Variants in DHRS7 observed in about 807,000 individuals in gnomAD.
DHRS7 encodes the protein dehydrogenase/reductase 7.
DHRS7 carries 34 observed loss-of-function variants against 38.9 expected under a neutral mutation model. That is an observed-to-expected ratio of 0.87 (90% CI 0.66 to 1.16). The LOEUF (loss-of-function observed/expected upper bound fraction) is 1.16. Among genes scored for constraint, DHRS7 ranks in the 50% most tolerant of loss-of-function variants. DHRS7 has a pLI of 0.00. For synonymous variants in DHRS7, 158 were observed against 153.1 expected, an observed-to-expected ratio of 1.03 and a Z score of -0.24; for missense variants, 421 against 407.0, an observed-to-expected ratio of 1.03 and a Z score of -0.30.
At chr14:60,163,843 A>G (rs1896810956) in intron 1 of DHRS7, among the ~76,000 whole-genome samples, 1 of 152,240 alleles carries the variant, frequency 6.6e-6, no homozygotes, top group Non-Finnish European at 1.5e-5. Flanking sequence ...AAAGCACTAA[A>G]GATCAAACAC....
chr14:60,168,684 C>G, upstream of DHRS7: 2 of 1,548,238 alleles, frequency 1.3e-6, no homozygotes, highest in Non-Finnish European at 1.7e-6. Flanking sequence ...TTTTTCTCCC[C>G]TCTCCAGCCA....
rs1896365130 is a variant in DHRS7 at position 60,145,082 on chromosome 14, C to T, written c.973-69G>A. 2 of 1,137,046 alleles carry T rather than the reference C, an allele frequency of 1.8e-6. No individual in the cohort carries two copies. Among genetic ancestry groups the T allele is most frequent in the Non-Finnish European group, 2.4e-6 (2 of 825,554 alleles). The allele number at this position is 1,137,046 out of a possible 1,614,324, so 70.4% of individuals were successfully genotyped here. A position where few individuals can be genotyped will look rare whatever the true frequency, so the allele number is the denominator to read the frequency against. On this transcript the variant is annotated intron_variant, in intron 6 of 6. Coordinates refer to ENST00000557185, the MANE Select transcript of DHRS7 (RefSeq NM_016029.4). The surrounding 1 kb of genome is among the most constrained non-coding windows in gnomAD (Gnocchi z 4.0). The stretch of plus-strand genomic sequence containing the variant: ...TTACTCCAGTTTTTAACATTTAAGT[C>T]CTTCTGTTTTGAGGAGCTGTATCAT...
upstream of DHRS7, chr14:60,165,737 T>A: frequency 1.0e-6 from 1 of 959,782 alleles, no homozygotes; most frequent in Non-Finnish European, 1.2e-6. The surrounding 1 kb of genome is among the most constrained non-coding windows in gnomAD (Gnocchi z 4.6). Flanking sequence ...ATAGAATCAT[T>A]CTTGCTTGGC....
intron 4 of DHRS7, chr14:60,152,722 A>G: frequency 1.7e-6 from 1 of 580,416 alleles, no homozygotes; most frequent in Non-Finnish European, 3.1e-6. Context: ...GGCACAATGC[A>G]GTGCTTGATA....
chr14:60,165,030 C>G lies in DHRS7; in HGVS notation c.133+147G>C. The G allele has an allele frequency of 9.8e-7, 1 of 1,024,436 alleles. No individual in the cohort carries two copies. The highest frequency in any genetic ancestry group is 2.6e-5 in the East Asian group (1 of 38,172). The allele number at this position is 1,024,436 out of a possible 1,614,324, so 63.5% of individuals were successfully genotyped here. A position where few individuals can be genotyped will look rare whatever the true frequency, so the allele number is the denominator to read the frequency against. On this transcript the variant is annotated intron_variant, in intron 1 of 6. Coordinates refer to ENST00000557185, the MANE Select transcript of DHRS7 (RefSeq NM_016029.4). The surrounding 1 kb of genome is among the most constrained non-coding windows in gnomAD (Gnocchi z 4.6). ...GCCTCTTCCTCCCCAACCCGCAGCCCCTGCGTAAGGGGCAGCCGGGCCTTC... is the reference window on the plus strand; with the variant it reads ...GCCTCTTCCTCCCCAACCCGCAGCCGCTGCGTAAGGGGCAGCCGGGCCTTC...
chr14:60,154,805 T>TC (rs1896623785), intron 2 of DHRS7, among the ~76,000 whole-genome samples: 1 of 152,206 alleles, frequency 6.6e-6, no homozygotes, highest in Non-Finnish European at 1.5e-5. Context: ...AACAGCCTTG[T>TC]GCCAGGTAAG....
chr14:60,144,972 A>G lies in DHRS7; in HGVS notation c.1014T>C (p.His338=), dbSNP rs780947502. The change falls in exon 7 of 7, where the codon CAT becomes CAC. Residue 338 remains histidine (H), a synonymous_variant. Transcript: ENST00000557185. ...SSYFKIFKTK[H]D The stretch of plus-strand genomic sequence containing the variant: ...AAAAGTACAGGTGCTCTTTTCAGTC[A>G]TGTTTTGTCTTAAAGATTTTAAAAT... 6.2e-7 allele frequency: 1 copy of G among 1,605,334 alleles called. No individual in the cohort carries two copies. The highest frequency in any genetic ancestry group is 8.5e-7 in the Non-Finnish European group (1 of 1,177,314).
At chr14:60,164,719 T>A (rs969958148) in intron 1 of DHRS7, among the ~76,000 whole-genome samples, 2 of 152,154 alleles carry the variant, frequency 1.3e-5, no homozygotes, top group African/African-American at 4.8e-5. Context: ...GAGTGGGAAG[T>A]GGAGGACAGA....
At chr14:60,168,556 T>A, upstream of DHRS7, 2 of 1,094,058 alleles carry the variant, frequency 1.8e-6, no homozygotes, top group Non-Finnish European at 2.5e-6. Flanking sequence ...TGCAACTTCC[T>A]GTGAATCTAT....
chr14:60,165,332 G>T lies in DHRS7; in HGVS notation c.-23C>A. 6.4e-7 allele frequency: 1 copy of T among 1,561,892 alleles called. No homozygotes were observed. The highest frequency in any genetic ancestry group is 8.6e-7 in the Non-Finnish European group (1 of 1,158,120). ...CATTGCGGCCGCGCACGCCCAGCTC[G>T]GGGGGAAGAAGACGGCCCGCACCAG... On this transcript the variant is annotated 5_prime_UTR_variant, in exon 1 of 7. Transcript: ENST00000557185. This position sits in a 1 kb window ranked among gnomAD's most constrained non-coding sequence, Gnocchi z 4.6.
upstream of DHRS7, chr14:60,166,270 A>G (rs1896866002): frequency 9.1e-6 from 9 of 985,464 alleles, no homozygotes; most frequent in Middle Eastern, 1.0e-3. Context: ...AGGGTTTTCC[A>G]TTCACAAGCC....
intron 5 of DHRS7, 140 bp from the exon 6 acceptor site, chr14:60,149,708 G>T: frequency 1.5e-6 from 1 of 648,112 alleles, no homozygotes; most frequent in Admixed American, 3.1e-5. Flanking sequence ...AGGTACTAAT[G>T]GGAGTTTATA....
At position 60,145,062 on chromosome 14, in the gene DHRS7, C is replaced by T. The variant is rs372289501; in HGVS notation, c.973-49G>A. 1.1e-4 allele frequency: 149 copies of T among 1,312,754 alleles called. No individual in the cohort carries two copies. The African/African-American group carries it at 1.8e-3, about 16-fold the overall frequency. The allele number at this position is 1,312,754 out of a possible 1,614,324, so 81.3% of individuals were successfully genotyped here. ...GGATCAGTACCTACTCCTATTTACTCCAGTTTTTAACATTTAAGTCCTTCT... is the reference window on the plus strand; with the variant it reads ...GGATCAGTACCTACTCCTATTTACTTCAGTTTTTAACATTTAAGTCCTTCT... On this transcript the variant is annotated intron_variant, in intron 6 of 6. Transcript: ENST00000557185. This position sits in a 1 kb window ranked among gnomAD's most constrained non-coding sequence, Gnocchi z 4.0.
chr14:60,163,503 A>G (rs1040933309), intron 1 of DHRS7, among the ~76,000 whole-genome samples: 4 of 152,238 alleles, frequency 2.6e-5, no homozygotes, highest in Non-Finnish European at 5.9e-5. Flanking sequence ...GCAATTTATC[A>G]AACTACATGT....
Position 60,156,065 on chromosome 14 carries a change from C to T in DHRS7, c.221G>A (p.Gly74Glu), listed in dbSNP as rs953354403. The change falls in exon 2 of 7, where the codon GGA becomes GAA. Residue 74 changes from glycine to glutamate, a missense_variant. Physicochemically the swap from Gly to Glu is moderately conservative, Grantham distance 98 (BLOSUM62 -2). Coordinates refer to ENST00000557185, the MANE Select transcript of DHRS7 (RefSeq NM_016029.4). ...TCTGGCTGACAGCACAAGAGAAACT[C>T]CTAGTTTAGACAACTGGTAAGCCAG... ...EELAYQLSKL[G>E]VSLVLSARRV... 1 of 1,607,450 alleles carries T rather than the reference C, an allele frequency of 6.2e-7. No homozygotes were observed. The highest frequency in any genetic ancestry group is 1.7e-5 in the Admixed American group (1 of 59,064).
rs1896452349 is a variant in DHRS7 at position 60,148,099 on chromosome 14, T to C, written c.972+1254A>G. The C allele has an allele frequency of 6.6e-6, 1 of 152,232 alleles. No individual in the cohort carries two copies. Among genetic ancestry groups the C allele is most frequent in the African/African-American group, 2.4e-5 (1 of 41,452 alleles). 9.4% of individuals were successfully genotyped at this position (152,232 alleles called of 1,614,324 possible). On this transcript the variant is annotated intron_variant, in intron 6 of 6. Coordinates refer to ENST00000557185, the MANE Select transcript of DHRS7 (RefSeq NM_016029.4). The surrounding 1 kb of genome is among the most constrained non-coding windows in gnomAD (Gnocchi z 4.8). ...TTTTCACACTCTGGACATTTTAGTGTGTCATGACCCAGTCTGATAACCTTT... is the reference window on the plus strand; with the variant it reads ...TTTTCACACTCTGGACATTTTAGTGCGTCATGACCCAGTCTGATAACCTTT...
Position 60,148,657 on chromosome 14 carries a change from G to A in DHRS7, c.972+696C>T, listed in dbSNP as rs1896465046. 6.6e-6 allele frequency among the ~76,000 whole-genome samples: 1 copy of A among 152,144 alleles called. No homozygotes were observed. Among genetic ancestry groups the A allele is most frequent in the South Asian group, 2.1e-4 (1 of 4,826 alleles). ...AGTGCTTTGACAGGAAAGCATAGGG[G>A]CTGAGGTGCACTTGGTCCTGGGGAG... On this transcript the variant is annotated intron_variant, in intron 6 of 6. Transcript: ENST00000557185. This position sits in a 1 kb window ranked among gnomAD's most constrained non-coding sequence, Gnocchi z 4.8.
At chr14:60,169,341 T>A (rs1370676686), upstream of DHRS7, among the ~76,000 whole-genome samples, 1 of 152,110 alleles carries the variant, frequency 6.6e-6, no homozygotes, top group East Asian at 1.9e-4. Flanking sequence ...CAAACCACCA[T>A]GTATTTCCCT....
In DHRS7 at chr14:60,145,599, A is replaced by T. The variant is rs141540455; in HGVS notation, c.973-586T>A. 1 of 152,246 alleles carries T rather than the reference A, an allele frequency of 6.6e-6. No individual in the cohort carries two copies. Among genetic ancestry groups the T allele is most frequent in the East Asian group, 1.9e-4 (1 of 5,178 alleles). The allele number at this position is 152,246 out of a possible 1,614,324, so 9.4% of individuals were successfully genotyped here. A position where few individuals can be genotyped will look rare whatever the true frequency, so the allele number is the denominator to read the frequency against. On this transcript the variant is annotated intron_variant, in intron 6 of 6. Transcript: ENST00000557185. The surrounding 1 kb of genome is among the most constrained non-coding windows in gnomAD (Gnocchi z 4.0). ...TGAGGCAAGAGAATTGCTTGAATCC[A>T]GGAGGCGGAGGTTGCAGTGAGCTGA... is the stretch of plus-strand genomic sequence containing the variant.
Sources: allele counts gnomAD v4.1 joint callset (sites outside exome capture counted in the v4.1 genomes callset), GRCh38; gene constraint gnomAD v4.1.1; non-coding constraint Gnocchi (gnomAD v3.1); transcripts MANE v1.5; gene names NCBI Gene and HGNC (gene_info 2026-07-23, HGNC 2026-07-21).